ALDH2: variants seen among roughly 807,000 people sequenced by gnomAD.
ALDH2 encodes the protein aldehyde dehydrogenase 2 family member, also known as aldehyde dehydrogenase, mitochondrial.
ALDH2 carries 44 observed loss-of-function variants against 59.6 expected under a neutral mutation model. The observed-to-expected ratio is 0.74, with a 90% CI of 0.58 to 0.95. The LOEUF is 0.95. Ranked by LOEUF, ALDH2 falls within the 40% of genes least tolerant of loss-of-function variation. ALDH2 has a pLI of 0.00. For synonymous variants in ALDH2, 291 were observed against 284.0 expected (o/e 1.02, Z -0.25); for missense variants, 570 against 696.3 (o/e 0.82, Z 2.04).
Position 111,816,443 on chromosome 12 carries a change from C to T in ALDH2, c.*6868C>T, listed in dbSNP as rs1032552425. Reference sequence around the variant, plus strand: ...TAGATAACCTCAAAGAGCATGGCGCCAGGGAGTGATTGCCCTCAGCGAACC... The same window carrying T: ...TAGATAACCTCAAAGAGCATGGCGCTAGGGAGTGATTGCCCTCAGCGAACC... On this transcript the variant is annotated 3_prime_UTR_variant, in exon 13 of 13. Coordinates refer to ENST00000261733, the MANE Select transcript of ALDH2 (RefSeq NM_000690.4). The T allele has an allele frequency of 1.3e-5, 2 of 152,136 alleles. No homozygotes were observed. The highest frequency in any genetic ancestry group is 4.8e-5 in the African/African-American group (2 of 41,424). 9.4% of individuals were successfully genotyped at this position (152,136 alleles called of 1,614,324 possible). A position where few individuals can be genotyped will look rare whatever the true frequency, so the allele number is the denominator to read the frequency against.
chr12:111,773,256 C>T (rs536337213), intron 1 of ALDH2, among the ~76,000 whole-genome samples: 3 of 152,168 alleles, frequency 2.0e-5, no homozygotes, highest in Non-Finnish European at 2.9e-5. Context: ...CATGAGCCAC[C>T]GTGGCCGGCC....
intron 1 of ALDH2, among the ~76,000 whole-genome samples, chr12:111,778,079 C>T (rs1357025003): frequency 3.3e-5 from 5 of 152,124 alleles, no homozygotes; most frequent in African/African-American, 7.2e-5. Flanking sequence ...ACTCTGTTTC[C>T]ACCCTGCCAT....
chr12:111,792,347 T>G (rs1223513517), intron 8 of ALDH2, among the ~76,000 whole-genome samples, 184 bp downstream of exon 8: 1 of 152,258 alleles, frequency 6.6e-6, no homozygotes, highest in Admixed American at 6.5e-5. Flanking sequence ...AGCCTCTCCC[T>G]GGCTGCTCTC....
At chr12:111,783,733 C>T (rs2068290403) in intron 3 of ALDH2, among the ~76,000 whole-genome samples, 1 of 152,194 alleles carries the variant, frequency 6.6e-6, no homozygotes, top group Non-Finnish European at 1.5e-5. Flanking sequence ...TGGTCTCCAA[C>T]CCTTGGGCTC....
rs1375288847 is a variant in ALDH2, at chr12:111,810,022, G to A, written c.*447G>A. ...TTGTCCATCTCAATAACCAAAGGAA[G>A]GTGGGCATGGTGGCTCACGCCTGTA... On this transcript the variant is annotated 3_prime_UTR_variant, in exon 13 of 13. Coordinates refer to ENST00000261733, the MANE Select transcript of ALDH2 (RefSeq NM_000690.4). The A allele has an allele frequency of 4.9e-6, 1 of 204,184 alleles. No individual in the cohort carries two copies. Among genetic ancestry groups the A allele is most frequent in the Non-Finnish European group, 1.0e-5 (1 of 100,068 alleles). 12.6% of individuals were successfully genotyped at this position (204,184 alleles called of 1,614,324 possible).
intron 9 of ALDH2, among the ~76,000 whole-genome samples, chr12:111,797,799 C>T (rs370128272): frequency 5.3e-5 from 8 of 152,286 alleles, no homozygotes; most frequent in East Asian, 1.9e-4. Context: ...GTATATGTAA[C>T]GGTCTCTTGC....
At chr12:111,787,015 G>T (rs977168995) in intron 4 of ALDH2, among the ~76,000 whole-genome samples, 1 of 152,020 alleles carries the variant, frequency 6.6e-6, no homozygotes, top group Non-Finnish European at 1.5e-5. Flanking sequence ...GAGGAGCCTG[G>T]CCAACATGGT....
chr12:111,780,351 C>T (rs982328735), intron 1 of ALDH2, among the ~76,000 whole-genome samples: 6 of 152,180 alleles, frequency 3.9e-5, no homozygotes, highest in Admixed American at 1.3e-4. Flanking sequence ...ATTCTAGAGG[C>T]GGAACCGTCT....
At chr12:111,776,251 A>C (rs1393596771) in intron 1 of ALDH2, among the ~76,000 whole-genome samples, 1 of 152,180 alleles carries the variant, frequency 6.6e-6, no homozygotes, top group African/African-American at 2.4e-5. Flanking sequence ...CAACATAAAG[A>C]GTATAGACCT....
chr12:111,799,987 C>T lies in ALDH2; in HGVS notation c.1330C>T (p.Leu444=). 2 of 1,613,954 alleles carry T rather than the reference C, an allele frequency of 1.2e-6. No homozygotes were observed. Among genetic ancestry groups the T allele is most frequent in the Non-Finnish European group, 1.7e-6 (2 of 1,179,972 alleles). ...GAGAGCCAACAATTCCACGTACGGG[C>T]TGGCCGCAGCTGTCTTCACAAAGGA... ...VGRANNSTYG[L]AAAVFTKDLD... is the part of the protein sequence containing the mutation. The change falls in exon 11 of 13, where the codon CTG becomes TTG. Residue 444 remains leucine, a synonymous_variant. Coordinates refer to ENST00000261733, the MANE Select transcript of ALDH2 (RefSeq NM_000690.4).
In ALDH2 at chr12:111,812,343, T is replaced by G. The variant is rs1319620261; in HGVS notation, c.*2768T>G. The G allele has an allele frequency of 6.6e-6, 1 of 152,084 alleles. No homozygotes were observed. Among genetic ancestry groups the G allele is most frequent in the Non-Finnish European group, 1.5e-5 (1 of 68,030 alleles). The allele number at this position is 152,084 out of a possible 1,614,324, so 9.4% of individuals were successfully genotyped here. On this transcript the variant is annotated 3_prime_UTR_variant, in exon 13 of 13. Transcript: ENST00000261733. ...TATAACTCTTGTTGTTTTATATATTTTATTATACTGGAACAGCTCGTGCCC... is the reference window on the plus strand; with the variant it reads ...TATAACTCTTGTTGTTTTATATATTGTATTATACTGGAACAGCTCGTGCCC...
At chr12:111,787,803 G>A (rs906698687) in intron 4 of ALDH2, among the ~76,000 whole-genome samples, 6 of 152,046 alleles carry the variant, frequency 3.9e-5, no homozygotes, top group South Asian at 2.1e-4. Flanking sequence ...AGGTCGCGGC[G>A]GGGGGATCAC....
At chr12:111,774,693 T>A (rs2068222838) in intron 1 of ALDH2, among the ~76,000 whole-genome samples, 1 of 152,170 alleles carries the variant, frequency 6.6e-6, no homozygotes, top group Non-Finnish European at 1.5e-5. Context: ...CCTGGGCAGA[T>A]GATAACCACC....
chr12:111,778,373 C>T (rs1403878605), intron 1 of ALDH2, among the ~76,000 whole-genome samples: 4 of 151,918 alleles, frequency 2.6e-5, no homozygotes, highest in Non-Finnish European at 5.9e-5. Flanking sequence ...GGTGAAACCC[C>T]GTCTCTACTA....
intron 4 of ALDH2, among the ~76,000 whole-genome samples, chr12:111,789,125 C>T (rs1431347853): frequency 6.8e-6 from 1 of 148,074 alleles, no homozygotes; most frequent in Non-Finnish European, 1.5e-5. Flanking sequence ...TTAAGCCATT[C>T]TTCTGCCTCA....
At chr12:111,798,273 A>G in intron 10 of ALDH2, 31 bp downstream of exon 10, 1 of 1,520,670 alleles carries the variant, frequency 6.6e-7, no homozygotes, top group Non-Finnish European at 8.8e-7. Flanking sequence ...CTCTGGAAAC[A>G]TTCTTGGCGG....
At chr12:111,806,336 AAAAC>A (rs57327001) in intron 12 of ALDH2, among the ~76,000 whole-genome samples, 29,169 of 151,536 alleles carry the variant, frequency 0.19, 3,008 homozygotes, top group Middle Eastern at 0.27. Context: ...AAAAAAAGAA[AAAAC>A]AAACAAACAG....
intron 3 of ALDH2, 148 bp downstream of exon 3, chr12:111,783,446 C>T (rs2068288372): frequency 8.2e-6 from 8 of 980,130 alleles, no homozygotes; most frequent in Non-Finnish European, 1.2e-5. Flanking sequence ...GGATGGACAC[C>T]TTTAGGGGGC....
intron 11 of ALDH2, among the ~76,000 whole-genome samples, chr12:111,802,159 A>G (rs530632664): frequency 6.6e-6 from 1 of 152,250 alleles, no homozygotes; most frequent in African/African-American, 2.4e-5. Flanking sequence ...CACACCTGTA[A>G]TCCCAGCACT....
Sources: allele counts gnomAD v4.1 joint callset (sites outside exome capture counted in the v4.1 genomes callset), GRCh38; gene constraint gnomAD v4.1.1; transcripts MANE v1.5; gene names NCBI Gene and HGNC (gene_info 2026-07-23, HGNC 2026-07-21).